SEC14L1: variants seen among roughly 807,000 people sequenced by gnomAD.
The protein encoded by SEC14L1 is SEC14 like lipid binding 1.
Under a neutral mutation model 85.3 loss-of-function variants are expected in SEC14L1, and 48 were observed. That is an observed-to-expected ratio of 0.56 (90% confidence interval 0.45 to 0.72). The LOEUF (loss-of-function observed/expected upper bound fraction) is 0.72. SEC14L1 is among the 30% of genes least tolerant of loss of function. SEC14L1 has a pLI of 0.00. For synonymous variants in SEC14L1, 391 were observed against 355.5 expected, an observed-to-expected ratio of 1.10 and a Z score of -1.12; for missense variants, 682 against 921.4, an observed-to-expected ratio of 0.74 and a Z score of 3.36.
chr17:77,146,077 C>T (rs1973288517), intron 3 of SEC14L1, among the ~76,000 whole-genome samples: 2 of 152,190 alleles, frequency 1.3e-5, no homozygotes, highest in African/African-American at 4.8e-5. Flanking sequence ...CCCACCCCGA[C>T]CCCTGCCCTG....
intron 3 of SEC14L1, among the ~76,000 whole-genome samples, chr17:77,149,775 A>T (rs891899284): frequency 6.6e-6 from 1 of 152,292 alleles, no homozygotes; most frequent in Non-Finnish European, 1.5e-5. Context: ...CATGGAACAG[A>T]AGTAACATGC....
intron 3 of SEC14L1, among the ~76,000 whole-genome samples, chr17:77,156,951 T>A (rs552642377): frequency 6.6e-6 from 1 of 152,308 alleles, no homozygotes; most frequent in Admixed American, 6.5e-5. Context: ...TTTCTTTGGT[T>A]CTCCTACAGA....
At chr17:77,130,780 T>C (rs983529516) in intron 3 of SEC14L1, among the ~76,000 whole-genome samples, 1 of 152,160 alleles carries the variant, frequency 6.6e-6, no homozygotes, top group Non-Finnish European at 1.5e-5. Flanking sequence ...CTAATTTTTG[T>C]ATTTTTGTAA....
At chr17:77,176,258 C>T (rs1680767628) in intron 3 of SEC14L1, among the ~76,000 whole-genome samples, 1 of 152,054 alleles carries the variant, frequency 6.6e-6, no homozygotes, top group Admixed American at 6.5e-5. Flanking sequence ...CTATTACACT[C>T]CAGCTTGGGC....
chr17:77,140,817 T>TC (rs1171391190), upstream of SEC14L1: 1 of 150,994 alleles, frequency 6.6e-6, no homozygotes, highest in African/African-American at 2.5e-5. Flanking sequence ...GCCCCGGGTG[T>TC]CCTCCCCCCT....
At chr17:77,138,989 C>T (rs1811412654), upstream of SEC14L1, among the ~76,000 whole-genome samples, 1 of 152,044 alleles carries the variant, frequency 6.6e-6, no homozygotes, top group East Asian at 1.9e-4. Context: ...ATAGATTGAC[C>T]ATTCCCCTCT....
chr17:77,176,099 G>A (rs1275615113), intron 3 of SEC14L1, among the ~76,000 whole-genome samples: 1 of 152,108 alleles, frequency 6.6e-6, no homozygotes, highest in East Asian at 1.9e-4. Context: ...AGACCAGCCT[G>A]ACCAACATGG....
At chr17:77,184,248 T>C (rs1975170373) in intron 3 of SEC14L1, among the ~76,000 whole-genome samples, 2 of 152,200 alleles carry the variant, frequency 1.3e-5, no homozygotes, top group African/African-American at 4.8e-5. Context: ...CATGAGATCT[T>C]TCCATTGTAA....
At position 77,131,338 on chromosome 17, in the gene SEC14L1, T is replaced by C. The variant is rs1972605218; in HGVS notation, c.-135-11308T>C. Among the ~76,000 whole-genome samples the C allele has an allele frequency of 2.6e-5, 4 of 152,226 alleles. No homozygotes were observed. The South Asian group carries it at 8.3e-4, about 32-fold the overall frequency. On this transcript the variant is annotated intron_variant, in intron 3 of 19. Coordinates refer to the SEC14L1 transcript ENST00000392476. ...AGGCTGGAGTGCAATGGCGCGGTCT[T>C]GGCTCACTGCAACCTCTGCCTCCCA...
intron 2 of SEC14L1, chr17:77,089,739 G>A: frequency 3.8e-6 from 1 of 263,226 alleles, no homozygotes; most frequent in Non-Finnish European, 7.4e-6. Flanking sequence ...AATTCAGCCA[G>A]GTGCAGTGGC....
At chr17:77,190,035 G>C (rs911425297) in intron 3 of SEC14L1, among the ~76,000 whole-genome samples, 1 of 152,086 alleles carries the variant, frequency 6.6e-6, no homozygotes, top group Non-Finnish European at 1.5e-5. Flanking sequence ...AGAATTCTTT[G>C]CCTAGCCCAG....
At chr17:77,110,563 C>T (rs1439181300) in intron 3 of SEC14L1, among the ~76,000 whole-genome samples, 1 of 152,090 alleles carries the variant, frequency 6.6e-6, no homozygotes, top group Non-Finnish European at 1.5e-5. Context: ...AGGTATGAGA[C>T]ATCAATCAAA....
At chr17:77,184,115 C>T (rs1033971822) in intron 3 of SEC14L1, among the ~76,000 whole-genome samples, 7 of 152,100 alleles carry the variant, frequency 4.6e-5, no homozygotes, top group Non-Finnish European at 1.0e-4. Context: ...TAAGGGTCAG[C>T]CATCTTTGTC....
At chr17:77,196,699 A>C (rs1975823981) in intron 8 of SEC14L1, among the ~76,000 whole-genome samples, 1 of 152,148 alleles carries the variant, frequency 6.6e-6, no homozygotes, top group Non-Finnish European at 1.5e-5. Context: ...TAAAGGTGTA[A>C]ATTTTTATGG....
chr17:77,147,471 T>G (rs185651235), intron 3 of SEC14L1, among the ~76,000 whole-genome samples: 38 of 152,250 alleles, frequency 2.5e-4, no homozygotes, highest in Middle Eastern at 6.8e-3. Context: ...TTGCATGGTG[T>G]TGTTTTGTTA....
At chr17:77,204,774 A>G (rs752933702) in intron 10 of SEC14L1, among the ~76,000 whole-genome samples, 110 of 152,034 alleles carry the variant, frequency 7.2e-4, no homozygotes, top group Non-Finnish European at 2.2e-4. Context: ...ATGTGTGTTT[A>G]TATATCCCCA....
chr17:77,112,708 AC>A (rs1287515693), intron 3 of SEC14L1, among the ~76,000 whole-genome samples: 1 of 151,480 alleles, frequency 6.6e-6, no homozygotes, highest in African/African-American at 2.4e-5. Context: ...ACACGGTGAA[AC>A]CCCATCTCTA....
intron 3 of SEC14L1, among the ~76,000 whole-genome samples, chr17:77,134,663 G>A (rs575176588): frequency 6.6e-6 from 1 of 152,202 alleles, no homozygotes; most frequent in Non-Finnish European, 1.5e-5. Context: ...CCCAGGAGGC[G>A]GATGTTGCAG....
chr17:77,172,587 C>T (rs1168579165), intron 3 of SEC14L1, among the ~76,000 whole-genome samples: 1 of 152,154 alleles, frequency 6.6e-6, no homozygotes, highest in African/African-American at 2.4e-5. Flanking sequence ...CTCTCAAAAG[C>T]TGCTCTATAG....
Sources: gnomAD v4.1 joint callset for allele counts (sites outside exome capture counted in the v4.1 genomes callset) on GRCh38, gnomAD v4.1.1 for gene constraint, MANE v1.5 for transcripts, NCBI Gene and HGNC (gene_info 2026-07-23, HGNC 2026-07-21) for gene names.